The following SLIT1 variants were observed in gnomAD, a reference collection of about 807,000 sequenced individuals.
SLIT1 encodes slit homolog 1 protein.
Under a neutral mutation model 186.1 loss-of-function variants are expected in SLIT1, and 66 were observed. That is an observed-to-expected ratio of 0.35 (90% CI 0.29 to 0.44). SLIT1 has a LOEUF of 0.44. SLIT1 is among the 20% of genes least tolerant of loss of function. SLIT1 has a pLI of 1.00. For synonymous variants in SLIT1, 761 were observed against 833.8 expected (o/e 0.91, Z 1.50); for missense variants, 1,638 against 2,037.4 (o/e 0.80, Z 3.77).
intron 4 of SLIT1, among the ~76,000 whole-genome samples, chr10:97,131,745 G>A (rs970130123): frequency 2.0e-5 from 3 of 152,296 alleles, no homozygotes; most frequent in South Asian, 2.1e-4. Flanking sequence ...TTTGTTTTCC[G>A]GTAGTCATGA....
At chr10:97,052,974 A>G (rs1309386380) in intron 13 of SLIT1, among the ~76,000 whole-genome samples, 1 of 152,198 alleles carries the variant, frequency 6.6e-6, no homozygotes, top group Non-Finnish European at 1.5e-5. Flanking sequence ...TTACAGAAAA[A>G]GCACAATTAA....
chr10:97,060,511 G>A (rs1848883272), intron 9 of SLIT1, 129 bp downstream of exon 9: 1 of 1,162,108 alleles, frequency 8.6e-7, no homozygotes. Flanking sequence ...GGCAAACTGT[G>A]TCTTCTCTAC....
intron 16 of SLIT1, 131 bp from the exon 17 acceptor site, chr10:97,047,196 C>A: frequency 1.5e-6 from 1 of 654,966 alleles, no homozygotes. Flanking sequence ...CAAATTGATC[C>A]TATTTCAAAG....
At chr10:97,056,243 T>C (rs1848835049) in intron 13 of SLIT1, 78 bp downstream of exon 13, 2 of 1,512,496 alleles carry the variant, frequency 1.3e-6, no homozygotes, top group African/African-American at 2.7e-5. Context: ...GCCGGAGAGC[T>C]GCCTGTCCCT....
intron 4 of SLIT1, among the ~76,000 whole-genome samples, chr10:97,141,757 G>GTATCGTATCA (rs1564686533): frequency 6.7e-6 from 1 of 149,322 alleles, no homozygotes; most frequent in South Asian, 2.1e-4. Flanking sequence ...GTATCGTATC[G>GTATCGTATCA]TATCGTATTG....
chr10:97,110,608 A>C (rs754160915), intron 4 of SLIT1, among the ~76,000 whole-genome samples: 5 of 152,260 alleles, frequency 3.3e-5, no homozygotes, highest in African/African-American at 7.2e-5. Context: ...AAAAAGTTAG[A>C]GAATAAGCAA....
intron 4 of SLIT1, among the ~76,000 whole-genome samples, chr10:97,088,472 G>A (rs77805021): frequency 0.01 from 1,596 of 152,338 alleles, 25 homozygotes; most frequent in East Asian, 0.047. Flanking sequence ...GCTTAGGCTA[G>A]TCTATCATTG....
At chr10:97,033,800 T>C (rs35886666) in intron 23 of SLIT1, among the ~76,000 whole-genome samples, 19,451 of 151,416 alleles carry the variant, frequency 0.13, 1,414 homozygotes, top group African/African-American at 0.19. Flanking sequence ...GCAGCTGCCT[T>C]GGGGTAGGGG....
Position 97,047,032 on chromosome 10 carries a change from C to T in SLIT1, c.1668G>A (p.Glu556=). Residue 556 remains glutamate, a synonymous_variant, in exon 17 of 37, where the codon GAG becomes GAA. Coordinates refer to ENST00000266058, the MANE Select transcript of SLIT1 (RefSeq NM_003061.3). The part of the protein sequence containing the change: ...RLNNNEISIL[E]ATGMFKKLTH... ...TAAGTTTTTTAAACATCCCAGTGGC[C>T]TCCAGGATGGAAATCTCATTGTTAT... 1.2e-6 allele frequency: 2 copies of T among 1,612,762 alleles called. 1 individual carries two copies. Among genetic ancestry groups the T allele is most frequent in the South Asian group, 2.2e-5 (2 of 91,058 alleles).
intron 1 of SLIT1, among the ~76,000 whole-genome samples, chr10:97,183,370 A>G (rs1032479286): frequency 1.3e-5 from 2 of 152,194 alleles, no homozygotes; most frequent in Non-Finnish European, 2.9e-5. Flanking sequence ...TCCCTATCCT[A>G]TCATAATAAT....
chr10:97,103,934 G>C (rs1269147909), intron 4 of SLIT1, among the ~76,000 whole-genome samples: 1 of 152,172 alleles, frequency 6.6e-6, no homozygotes, highest in Non-Finnish European at 1.5e-5. Flanking sequence ...CGGGAGTGCA[G>C]ACTGCAGAAC....
intron 4 of SLIT1, among the ~76,000 whole-genome samples, chr10:97,112,826 TG>T (rs1849476799): frequency 6.6e-6 from 1 of 152,118 alleles, no homozygotes; most frequent in Non-Finnish European, 1.5e-5. Flanking sequence ...CCCAAGCAGC[TG>T]GGTCCACAGG....
chr10:97,049,200 G>A (rs1162543260), intron 13 of SLIT1, 82 bp from the exon 14 acceptor site: 4 of 1,501,632 alleles, frequency 2.7e-6, no homozygotes, highest in African/African-American at 1.4e-5. Flanking sequence ...GCCTCGTTGT[G>A]GCTGGGGCCA....
At chr10:97,048,138 G>A in intron 14 of SLIT1, 142 bp from the exon 15 acceptor site, 1 of 890,340 alleles carries the variant, frequency 1.1e-6, no homozygotes, top group South Asian at 1.4e-5. Context: ...TGTGCAGAAG[G>A]GCGAGCTACA....
intron 4 of SLIT1, among the ~76,000 whole-genome samples, chr10:97,149,324 G>T (rs746560705): frequency 1.3e-5 from 2 of 152,216 alleles, no homozygotes; most frequent in Non-Finnish European, 2.9e-5. Context: ...CAGATTTAAT[G>T]ATTGGAAAGC....
intron 34 of SLIT1, 83 bp from the exon 35 acceptor site, chr10:97,003,075 A>C: frequency 7.4e-6 from 10 of 1,354,008 alleles, no homozygotes; most frequent in East Asian, 2.3e-5. Flanking sequence ...GGGCAGCTCC[A>C]TGGCCTTCCC....
intron 1 of SLIT1, among the ~76,000 whole-genome samples, chr10:97,176,761 C>G (rs1182380149): frequency 6.6e-6 from 1 of 152,232 alleles, no homozygotes; most frequent in Non-Finnish European, 1.5e-5. Flanking sequence ...CACCAAACTC[C>G]TCCTTTGGCC....
At chr10:97,064,382 C>T in intron 6 of SLIT1, 143 bp from the exon 7 acceptor site, 1 of 714,700 alleles carries the variant, frequency 1.4e-6, no homozygotes, top group South Asian at 1.6e-5. Context: ...AGCCGAAGAG[C>T]ATGAGGCATA....
At chr10:97,097,675 A>G (rs1849305970) in intron 4 of SLIT1, among the ~76,000 whole-genome samples, 1 of 152,188 alleles carries the variant, frequency 6.6e-6, no homozygotes, top group African/African-American at 2.4e-5. Flanking sequence ...CCCTCCAGGA[A>G]GTCTTCCCTG....
Sources: allele counts gnomAD v4.1 joint callset (sites outside exome capture counted in the v4.1 genomes callset), GRCh38; gene constraint gnomAD v4.1.1; transcripts MANE v1.5; gene names NCBI Gene and HGNC (gene_info 2026-07-23, HGNC 2026-07-21).